CUX2: variants seen among roughly 807,000 people sequenced by gnomAD.
CUX2 encodes the protein cut like homeobox 2.
Under a neutral mutation model 144.8 loss-of-function variants are expected in CUX2, and 40 were observed. That is an observed-to-expected ratio of 0.28 (90% CI 0.21 to 0.36). CUX2 has a LOEUF of 0.36. Among genes scored for constraint, CUX2 ranks in the 10% least tolerant of loss-of-function variants. The pLI is 1.00. For missense variants in CUX2, 1,615 were observed against 1,994.0 expected (o/e 0.81, Z 3.62); for synonymous variants, 827 against 875.6 (o/e 0.94, Z 0.98).
At chr12:111,318,592 C>CTT (rs111586172) in intron 16 of CUX2, among the ~76,000 whole-genome samples, 3 of 136,226 alleles carry the variant, frequency 2.2e-5, no homozygotes, top group Admixed American at 2.1e-4. Flanking sequence ...GACCACATCT[C>CTT]TTTTTTTAAA....
chr12:111,217,709 C>T (rs7962233), intron 2 of CUX2, among the ~76,000 whole-genome samples, 181 bp from the exon 3 acceptor site: 33,790 of 152,094 alleles, frequency 0.22, 5,059 homozygotes, highest in East Asian at 0.58. Flanking sequence ...TTGACGTTTC[C>T]CAGTCTGGTG....
chr12:111,098,019 G>A (rs977389929), intron 1 of CUX2, among the ~76,000 whole-genome samples: 3 of 152,166 alleles, frequency 2.0e-5, no homozygotes, highest in Admixed American at 1.3e-4. Context: ...ATTGAAGGGC[G>A]TAAGCTTGGG....
At chr12:111,121,934 C>T (rs1399516269) in intron 1 of CUX2, among the ~76,000 whole-genome samples, 2 of 151,806 alleles carry the variant, frequency 1.3e-5, no homozygotes, top group Non-Finnish European at 1.5e-5. Flanking sequence ...CCAGGTGCTA[C>T]GAGTTCTCAA....
intron 21 of CUX2, among the ~76,000 whole-genome samples, chr12:111,342,556 A>G (rs1888624071): frequency 6.6e-6 from 1 of 152,102 alleles, no homozygotes; most frequent in Non-Finnish European, 1.5e-5. Context: ...AGCCTTCTTC[A>G]CTTCCCTGAG....
chr12:111,181,425 C>T (rs1045424394), intron 1 of CUX2, among the ~76,000 whole-genome samples: 5 of 152,164 alleles, frequency 3.3e-5, no homozygotes, highest in African/African-American at 9.7e-5. Flanking sequence ...CCTGATTGGG[C>T]GATTGATTGG....
chr12:111,295,408 A>G lies in CUX2; in HGVS notation c.636A>G (p.Ser212=). 1.2e-6 allele frequency: 2 copies of G among 1,611,592 alleles called. No individual in the cohort carries two copies. The highest frequency in any genetic ancestry group is 1.7e-6 in the Non-Finnish European group (2 of 1,178,940). ...AGGAGAAAATCAAAGTCCTACATTC[A>G]GGTATGTGTCGGCACCATGTGGCCT... The part of the protein sequence containing the change: ...EAEEKIKVLH[S]ALKATQAELL... Residue 212 remains serine, a splice_region_variant and synonymous_variant, in exon 7 of 22, where the codon TCA becomes TCG. Transcript: ENST00000261726. The surrounding 1 kb of genome is among the most constrained non-coding windows in gnomAD (Gnocchi z 5.0).
chr12:111,117,654 A>G (rs1592911579), intron 1 of CUX2, among the ~76,000 whole-genome samples: 1 of 152,228 alleles, frequency 6.6e-6, no homozygotes, highest in Non-Finnish European at 1.5e-5. Context: ...CTGAGAGCTA[A>G]TGGTTATTGA....
intron 16 of CUX2, 149 bp from the exon 17 acceptor site, chr12:111,319,863 G>T (rs763820066): frequency 1.2e-5 from 15 of 1,233,590 alleles, no homozygotes; most frequent in African/African-American, 1.6e-5. Context: ...CACAGGGAGG[G>T]ATCATAATTT....
chr12:111,218,978 G>C (rs1237887454), intron 3 of CUX2, among the ~76,000 whole-genome samples: 1 of 151,832 alleles, frequency 6.6e-6, no homozygotes, highest in Admixed American at 6.6e-5. Context: ...TGTGGGTCCA[G>C]GGATTTCTAA....
chr12:111,233,824 C>T (rs1046033396), intron 3 of CUX2, among the ~76,000 whole-genome samples: 3 of 152,160 alleles, frequency 2.0e-5, no homozygotes, highest in African/African-American at 7.2e-5. Flanking sequence ...TCAAAATGGG[C>T]TCGTTTCTGT....
chr12:111,317,717 C>T (rs116684252), intron 16 of CUX2, among the ~76,000 whole-genome samples: 2,974 of 152,182 alleles, frequency 0.02, 112 homozygotes, highest in African/African-American at 0.067. Context: ...TGATACCGAC[C>T]GGGCGCGGTG....
At chr12:111,220,985 G>A (rs1300628286) in intron 3 of CUX2, among the ~76,000 whole-genome samples, 1 of 148,302 alleles carries the variant, frequency 6.7e-6, no homozygotes, top group African/African-American at 2.5e-5. Context: ...AAACACTTCA[G>A]CAGCATGGAG....
chr12:111,262,193 A>G (rs1884161150), intron 3 of CUX2, among the ~76,000 whole-genome samples: 1 of 152,200 alleles, frequency 6.6e-6, no homozygotes, highest in African/African-American at 2.4e-5. Flanking sequence ...TGTAAGTCCC[A>G]TAAGGGTGGG....
At chr12:111,238,559 T>C (rs1882872595) in intron 3 of CUX2, among the ~76,000 whole-genome samples, 1 of 152,308 alleles carries the variant, frequency 6.6e-6, no homozygotes, top group Admixed American at 6.5e-5. Context: ...GCTGGTGGCA[T>C]GTGGCAGAGA....
At chr12:111,079,176 C>G (rs568394088) in intron 1 of CUX2, among the ~76,000 whole-genome samples, 1 of 152,260 alleles carries the variant, frequency 6.6e-6, no homozygotes, top group South Asian at 2.1e-4. Context: ...CACGTACAAG[C>G]AGGTTAGAAT....
intron 1 of CUX2, among the ~76,000 whole-genome samples, chr12:111,085,564 TA>T (rs1224954347): frequency 6.6e-6 from 1 of 152,232 alleles, no homozygotes; most frequent in Admixed American, 6.5e-5. Context: ...TGAAATCCTC[TA>T]ATCAGTTTAC....
intron 1 of CUX2, among the ~76,000 whole-genome samples, chr12:111,168,177 C>G (rs1878276331): frequency 6.6e-6 from 1 of 152,180 alleles, no homozygotes; most frequent in Non-Finnish European, 1.5e-5. Context: ...AACCCATTTC[C>G]TGAGGCCTCA....
In CUX2 at chr12:111,107,611, G is replaced by A. The variant is rs144003864; in HGVS notation, c.63+73371G>A. 4.0e-3 allele frequency among the ~76,000 whole-genome samples: 603 copies of A among 152,320 alleles called. 4 individuals are homozygous for A. Among genetic ancestry groups the A allele is most frequent in the African/African-American group, 0.013 (534 of 41,568 alleles). ...ATGTGCCCTGGCAGGCAGAATGCCC[G>A]TCCTCTAGGTGAGGGAGCAGAGGGT... On this transcript the variant is annotated intron_variant, in intron 1 of 21. Coordinates refer to ENST00000261726, the MANE Select transcript of CUX2 (RefSeq NM_015267.4).
intron 1 of CUX2, among the ~76,000 whole-genome samples, chr12:111,134,283 T>A (rs1875694950): frequency 6.6e-6 from 1 of 152,212 alleles, no homozygotes; most frequent in African/African-American, 2.4e-5. Context: ...AAGTGGGCCT[T>A]AAAAAGAGAA....
Sources: gnomAD v4.1 joint callset for allele counts (sites outside exome capture counted in the v4.1 genomes callset) on GRCh38, gnomAD v4.1.1 for gene constraint, Gnocchi (gnomAD v3.1) non-coding constraint, MANE v1.5 for transcripts, NCBI Gene and HGNC (gene_info 2026-07-23, HGNC 2026-07-21) for gene names.